The following IBSP variants were observed in gnomAD, a reference collection of about 807,000 sequenced individuals.
IBSP encodes integrin binding sialoprotein, also known as integrin-binding sialoprotein.
In IBSP, 19 loss-of-function variants were observed where a neutral mutation model predicts 25.5. The observed-to-expected ratio is 0.74, with a 90% CI of 0.52 to 1.09. IBSP has a LOEUF of 1.09. IBSP is among the 50% of genes least tolerant of loss of function. The pLI is 0.00. For missense variants in IBSP, 360 were observed against 382.3 expected (o/e 0.94, Z 0.49); for synonymous variants, 144 against 137.6 (o/e 1.05, Z -0.33).
chr4:87,808,260 C>G (rs893804620), intron 5 of IBSP, among the ~76,000 whole-genome samples: 1 of 151,652 alleles, frequency 6.6e-6, no homozygotes, highest in African/African-American at 2.4e-5. Context: ...CAGCTCACTA[C>G]AAGCTGCACC....
rs917355261 is a variant in IBSP at position 87,812,092 on chromosome 4, G to A, written c.*182G>A. 8.0e-6 allele frequency: 4 copies of A among 497,256 alleles called. No individual in the cohort carries two copies. Among genetic ancestry groups the A allele is most frequent in the African/African-American group, 2.0e-5 (1 of 50,208 alleles). The allele number at this position is 497,256 out of a possible 1,614,324, so 30.8% of individuals were successfully genotyped here. A position where few individuals can be genotyped will look rare whatever the true frequency, so the allele number is the denominator to read the frequency against. On this transcript the variant is annotated 3_prime_UTR_variant, in exon 7 of 7. Coordinates refer to ENST00000226284, the MANE Select transcript of IBSP (RefSeq NM_004967.4). ...AGGCTTCTTGTCCCTTTTTTTTCTG[G>A]CATGTTATGGAATGATCATTGTAAA...
chr4:87,806,028 A>AT, intron 4 of IBSP, 94 bp from the exon 5 acceptor site: 1 of 946,640 alleles, frequency 1.1e-6, no homozygotes, highest in South Asian at 1.4e-5. Flanking sequence ...ATTTGTGTGT[A>AT]TTTTATTGTG....
chr4:87,810,461 G>A (rs1349075761), intron 5 of IBSP, 145 bp from the exon 6 acceptor site: 1 of 633,436 alleles, frequency 1.6e-6, no homozygotes, highest in East Asian at 2.8e-5. Context: ...TGGCATAGGG[G>A]AAGGCAGGCT....
chr4:87,802,644 G>C lies in IBSP; in HGVS notation c.106-10G>C, dbSNP rs369025542. The C allele has an allele frequency of 6.4e-7, 1 of 1,569,332 alleles. No homozygotes were observed. The highest frequency in any genetic ancestry group is 1.4e-5 in the African/African-American group (1 of 72,468). The stretch of plus-strand genomic sequence containing the variant: ...TAAACATGAATATATCATTTATTTT[G>C]TTTTTGCAGGTCTTTAAGTACAGGC... On this transcript the variant is annotated splice_polypyrimidine_tract_variant and intron_variant, in intron 3 of 6. Transcript: ENST00000226284.
chr4:87,811,993 T>A lies in IBSP; in HGVS notation c.*83T>A, dbSNP rs1722186151. 2 of 1,081,060 alleles carry A rather than the reference T, an allele frequency of 1.9e-6. No homozygotes were observed. Among genetic ancestry groups the A allele is most frequent in the Admixed American group, 2.6e-5 (1 of 39,210 alleles). The allele number at this position is 1,081,060 out of a possible 1,614,324, so 67.0% of individuals were successfully genotyped here. On this transcript the variant is annotated 3_prime_UTR_variant, in exon 7 of 7. Coordinates refer to ENST00000226284, the MANE Select transcript of IBSP (RefSeq NM_004967.4). ...AAGTTCAACTCAGGAAGGTGCAATA[T>A]AACAAATGTGCATATTATAATGAGG...
At chr4:87,804,029 T>C (rs1295582815) in intron 4 of IBSP, among the ~76,000 whole-genome samples, 3 of 152,184 alleles carry the variant, frequency 2.0e-5, no homozygotes, top group African/African-American at 7.2e-5. Context: ...AGGCATTACA[T>C]TTCTCAATAT....
chr4:87,808,304 C>G (rs889862617), intron 5 of IBSP, among the ~76,000 whole-genome samples: 1 of 152,004 alleles, frequency 6.6e-6, no homozygotes, highest in African/African-American at 2.4e-5. Flanking sequence ...GCCTCAGCCT[C>G]CCAAGTAGCT....
intron 6 of IBSP, 62 bp downstream of exon 6, chr4:87,810,826 A>C: frequency 6.7e-7 from 1 of 1,485,594 alleles, no homozygotes. Context: ...GGTAATGTTC[A>C]ATCTTTTTTA....
In IBSP at chr4:87,811,406, TGAA is replaced by T. The variant is rs750822155; in HGVS notation, c.459_461del (p.Glu158del). Reference sequence around the variant, plus strand: ...AAGCTACAAAAGAGAAGGAAAGTGATGAAGAAGAAGAGGAGGAAGAGGAAGGAA... The same window carrying T: ...AAGCTACAAAAGAGAAGGAAAGTGATGAAGAAGAGGAGGAAGAGGAAGGAA... On this transcript the variant is annotated inframe_deletion, in exon 7 of 7. Coordinates refer to ENST00000226284, the MANE Select transcript of IBSP (RefSeq NM_004967.4). 20 of 1,612,286 alleles carry T rather than the reference TGAA, an allele frequency of 1.2e-5. No individual in the cohort carries two copies. The highest frequency in any genetic ancestry group is 4.4e-5 in the South Asian group (4 of 90,904).
At chr4:87,810,516 T>C in intron 5 of IBSP, 90 bp from the exon 6 acceptor site, 1 of 1,066,900 alleles carries the variant, frequency 9.4e-7, no homozygotes, top group Non-Finnish European at 1.4e-6. Flanking sequence ...TTCCAAATAA[T>C]AAACCTTCAA....
At chr4:87,801,409 A>ATGTCAGTG (rs971242387) in intron 1 of IBSP, among the ~76,000 whole-genome samples, 14 of 151,342 alleles carry the variant, frequency 9.3e-5, no homozygotes, top group Non-Finnish European at 1.8e-4. Context: ...GTGCTACATG[A>ATGTCAGTG]TGTCAGTGTG....
Position 87,810,653 on chromosome 4 carries a change from A to T in IBSP, c.294A>T (p.Glu98Asp). 6.2e-7 allele frequency: 1 copy of T among 1,613,652 alleles called. No homozygotes were observed. The highest frequency in any genetic ancestry group is 8.5e-7 in the Non-Finnish European group (1 of 1,179,562). Residue 98 changes from glutamate (E) to aspartate (D), a missense_variant, in exon 6 of 7, where the codon GAA becomes GAT. Physicochemically the swap from Glu to Asp is conservative, Grantham distance 45 (BLOSUM62 2). Transcript: ENST00000226284. ...GENNEESNED[E>D]DSEAENTTLS... is the part of the protein sequence containing the mutation. ...ACAATGAAGAATCGAATGAAGATGA[A>T]GACTCTGAGGCTGAGAATACCACAC...
intron 5 of IBSP, among the ~76,000 whole-genome samples, chr4:87,807,670 G>C (rs762004171): frequency 9.9e-5 from 15 of 152,190 alleles, no homozygotes; most frequent in Non-Finnish European, 1.6e-4. Context: ...TGTTGTGGTG[G>C]TTGAGGACTG....
intron 6 of IBSP, among the ~76,000 whole-genome samples, chr4:87,810,977 C>T (rs1722162261): frequency 6.6e-6 from 1 of 152,122 alleles, no homozygotes; most frequent in South Asian, 2.1e-4. Flanking sequence ...GCAAGTTCTC[C>T]TACCATGTTA....
intron 4 of IBSP, among the ~76,000 whole-genome samples, chr4:87,805,061 G>GT (rs1722072137): frequency 6.6e-6 from 1 of 152,132 alleles, no homozygotes; most frequent in Non-Finnish European, 1.5e-5. Flanking sequence ...CTGGCTCGAG[G>GT]TGACAAGCAT....
intron 5 of IBSP, among the ~76,000 whole-genome samples, chr4:87,809,629 G>T (rs1722140661): frequency 6.6e-6 from 1 of 152,166 alleles, no homozygotes. Context: ...TTACAAATTT[G>T]ATGAAACAAA....
intron 1 of IBSP, among the ~76,000 whole-genome samples, chr4:87,802,138 G>A (rs1722026374): frequency 6.6e-6 from 1 of 152,092 alleles, no homozygotes; most frequent in South Asian, 2.1e-4. Flanking sequence ...TGGAACTCAA[G>A]ATTATTTAAA....
Position 87,812,111 on chromosome 4 carries a change from T to C in IBSP, c.*201T>C, listed in dbSNP as rs1722188481. On this transcript the variant is annotated 3_prime_UTR_variant, in exon 7 of 7. Coordinates refer to ENST00000226284, the MANE Select transcript of IBSP (RefSeq NM_004967.4). ...TTTCTGGCATGTTATGGAATGATCATTGTAAATCAGGACCATTTATCAAGC... is the reference window on the plus strand; with the variant it reads ...TTTCTGGCATGTTATGGAATGATCACTGTAAATCAGGACCATTTATCAAGC... 2.2e-6 allele frequency: 1 copy of C among 463,242 alleles called. No homozygotes were observed. Among genetic ancestry groups the C allele is most frequent in the Admixed American group, 3.9e-5 (1 of 25,410 alleles). 28.7% of individuals were successfully genotyped at this position (463,242 alleles called of 1,614,324 possible).
At chr4:87,807,753 C>G (rs900346823) in intron 5 of IBSP, among the ~76,000 whole-genome samples, 2 of 152,160 alleles carry the variant, frequency 1.3e-5, no homozygotes, top group Non-Finnish European at 2.9e-5. Flanking sequence ...GATCTCTGAA[C>G]ATTTAAGGTC....
Sources: gnomAD v4.1 joint callset for allele counts (sites outside exome capture counted in the v4.1 genomes callset) on GRCh38, gnomAD v4.1.1 for gene constraint, MANE v1.5 for transcripts, NCBI Gene and HGNC (gene_info 2026-07-23, HGNC 2026-07-21) for gene names.